The following C3orf38 variants were observed in gnomAD, a reference collection of about 807,000 sequenced individuals.
C3orf38 encodes uncharacterized protein C3orf38.
In C3orf38, 18 loss-of-function variants were observed where a neutral mutation model predicts 28.3. The ratio of observed to expected loss-of-function variants is 0.64; its 90% CI spans 0.44 to 0.94. The LOEUF (loss-of-function observed/expected upper bound fraction) is 0.94, where lower values mean the gene tolerates loss of function less well. Ranked by LOEUF, C3orf38 falls within the 40% of genes least tolerant of loss-of-function variation. The probability of loss-of-function intolerance (pLI) is 0.00; values close to 1 mark genes in which losing one functional copy is unlikely to be tolerated. For synonymous variants in C3orf38, 145 were observed against 138.1 expected (o/e 1.05, Z -0.35); for missense variants, 364 against 396.4 (o/e 0.92, Z 0.69).
At chr3:88,151,309 A>T (rs1707408556) in intron 1 of C3orf38, among the ~76,000 whole-genome samples, 1 of 151,794 alleles carries the variant, frequency 6.6e-6, no homozygotes, top group South Asian at 2.1e-4. Context: ...CAGATTGGAA[A>T]AAATATATAT....
intron 2 of C3orf38, among the ~76,000 whole-genome samples, chr3:88,155,666 C>T (rs1454702853): frequency 1.3e-5 from 2 of 151,826 alleles, no homozygotes; most frequent in Admixed American, 1.3e-4. Context: ...ACTATATTGG[C>T]CAGGCTGGTC....
In C3orf38 at chr3:88,149,962, A is replaced by G. The variant is rs1576367796; in HGVS notation, c.-91A>G. ...AGGCCCTTCGACGGAGAACAACAAG[A>G]AAGGCACTTCCGGTGTCTGTTGCCA... is the stretch of plus-strand genomic sequence containing the variant. On this transcript the variant is annotated 5_prime_UTR_variant, in exon 1 of 3. Coordinates refer to ENST00000318887, the MANE Select transcript of C3orf38 (RefSeq NM_173824.4). 2 of 1,535,788 alleles carry G rather than the reference A, an allele frequency of 1.3e-6. No individual in the cohort carries two copies. Among genetic ancestry groups the G allele is most frequent in the East Asian group, 4.5e-5 (2 of 44,414 alleles).
intron 1 of C3orf38, 51 bp downstream of exon 1, chr3:88,150,236 C>T (rs750614976): frequency 6.2e-7 from 1 of 1,601,226 alleles, no homozygotes; most frequent in South Asian, 1.1e-5. Context: ...CCCGGCCTCA[C>T]GCCTACCCCG....
chr3:88,155,958 A>G, intron 2 of C3orf38, 63 bp from the exon 3 acceptor site: 1 of 1,325,736 alleles, frequency 7.5e-7, no homozygotes, highest in Non-Finnish European at 1.0e-6. Flanking sequence ...GGCTAGATAG[A>G]AAAATAGATA....
In C3orf38 at chr3:88,149,966, G is replaced by T. The variant is rs1208120025; in HGVS notation, c.-87G>T. 14 of 1,545,700 alleles carry T rather than the reference G, an allele frequency of 9.1e-6. No individual in the cohort carries two copies. The South Asian group carries it at 1.6e-4, about 18-fold the overall frequency. ...CCTTCGACGGAGAACAACAAGAAAG[G>T]CACTTCCGGTGTCTGTTGCCAGGCG... is the stretch of plus-strand genomic sequence containing the variant. On this transcript the variant is annotated 5_prime_UTR_variant, in exon 1 of 3. Transcript: ENST00000318887.
intron 1 of C3orf38, among the ~76,000 whole-genome samples, 170 bp from the exon 2 acceptor site, chr3:88,153,060 A>G (rs1227517131): frequency 6.6e-6 from 1 of 152,228 alleles, no homozygotes; most frequent in Non-Finnish European, 1.5e-5. Context: ...TAAAGATGTT[A>G]AAAGAAAACT....
intron 2 of C3orf38, 141 bp downstream of exon 2, chr3:88,153,612 C>G: frequency 1.9e-6 from 2 of 1,066,470 alleles, no homozygotes; most frequent in Non-Finnish European, 2.6e-6. Flanking sequence ...TGCTCTGTTG[C>G]CCAGGCTGGA....
intron 2 of C3orf38, among the ~76,000 whole-genome samples, chr3:88,155,166 A>T (rs1707462482): frequency 6.6e-6 from 1 of 152,020 alleles, no homozygotes; most frequent in South Asian, 2.1e-4. Flanking sequence ...AGCTTACAGT[A>T]ACATTTTCTG....
At position 88,156,788 on chromosome 3, in the gene C3orf38, T is replaced by C; in HGVS notation, c.*153T>C. The C allele has an allele frequency of 4.9e-6, 4 of 808,710 alleles. No individual in the cohort carries two copies. Among genetic ancestry groups the C allele is most frequent in the Admixed American group, 3.1e-5 (1 of 31,934 alleles). 50.1% of individuals were successfully genotyped at this position (808,710 alleles called of 1,614,324 possible). ...GTCTGAATGATTTCAGATGTGAAAA[T>C]TGACATATTTTAGTTGAAATACCTT... On this transcript the variant is annotated 3_prime_UTR_variant, in exon 3 of 3. Coordinates refer to ENST00000318887, the MANE Select transcript of C3orf38 (RefSeq NM_173824.4).
chr3:88,155,428 T>TTTATATATTTTTATATA (rs71131555), intron 2 of C3orf38, among the ~76,000 whole-genome samples: 113,737 of 145,818 alleles, frequency 0.78, 45,363 homozygotes, highest in South Asian at 0.91. Context: ...CATCATATAA[T>TTTATATATTTTTATATA]TTATATATTT....
In C3orf38 at chr3:88,156,511, C is replaced by T. The variant is rs772721082; in HGVS notation, c.866C>T (p.Pro289Leu). The change falls in exon 3 of 3, where the codon CCA (proline) becomes CTA (leucine). Residue 289 changes from proline to leucine, a missense_variant. Coordinates refer to ENST00000318887, the MANE Select transcript of C3orf38 (RefSeq NM_173824.4). ...CTTGCTCCTGGAACATTACCGAAACCATCTGTTAAATTTGAACAAAGTGAT... is the reference window on the plus strand; with the variant it reads ...CTTGCTCCTGGAACATTACCGAAACTATCTGTTAAATTTGAACAAAGTGAT... ...SSLAPGTLPK[P>L]SVKFEQSDLE... 3.1e-6 allele frequency: 5 copies of T among 1,613,968 alleles called. No individual in the cohort carries two copies. In the African/African-American group the frequency reaches 6.7e-5, roughly 22 times the overall value.
intron 2 of C3orf38, among the ~76,000 whole-genome samples, chr3:88,154,882 C>T (rs1387292521): frequency 1.4e-5 from 2 of 144,054 alleles, no homozygotes; most frequent in African/African-American, 2.6e-5. Flanking sequence ...TTTTTTGAGA[C>T]AAAGTCTGCC....
chr3:88,156,486 C>G lies in C3orf38; in HGVS notation c.841C>G (p.Leu281Val), dbSNP rs1424107473. 1.2e-5 allele frequency: 19 copies of G among 1,614,128 alleles called. No individual in the cohort carries two copies. The highest frequency in any genetic ancestry group is 1.6e-5 in the Non-Finnish European group (19 of 1,180,036). The change falls in exon 3 of 3, where the codon CTT (leucine) becomes GTT (valine). Residue 281 changes from leucine to valine, a missense_variant. Leu to Val is a conservative substitution (Grantham distance 32, BLOSUM62 1). Coordinates refer to ENST00000318887, the MANE Select transcript of C3orf38 (RefSeq NM_173824.4). ...INLKIMGESS[L>V]APGTLPKPSV... ...CCTGAAAATTATGGGAGAGAGTTCC[C>G]TTGCTCCTGGAACATTACCGAAACC...
chr3:88,151,310 A>AT (rs1707408655), intron 1 of C3orf38, among the ~76,000 whole-genome samples: 1 of 151,788 alleles, frequency 6.6e-6, no homozygotes, highest in African/African-American at 2.4e-5. Context: ...AGATTGGAAA[A>AT]AATATATATA....
chr3:88,154,251 G>A (rs1233996596), intron 2 of C3orf38, among the ~76,000 whole-genome samples: 1 of 152,116 alleles, frequency 6.6e-6, no homozygotes, highest in Non-Finnish European at 1.5e-5. Context: ...TGTTAGATAG[G>A]TAAACATGTG....
Position 88,155,304 on chromosome 3 carries a change from T to C in C3orf38, c.376-717T>C, listed in dbSNP as rs527570392. Among the ~76,000 whole-genome samples, 99 of 152,270 alleles carry C rather than the reference T, an allele frequency of 6.5e-4. 1 individual carries two copies. Among genetic ancestry groups the C allele is most frequent in the Non-Finnish European group, 2.8e-4 (19 of 68,010 alleles). On this transcript the variant is annotated intron_variant, in intron 2 of 2. Transcript: ENST00000318887. Reference sequence around the variant, plus strand: ...TTATATTAACTTTATGTCATTTATATGCAAAATGCATCCATTTAAAGTGAA... The same window carrying C: ...TTATATTAACTTTATGTCATTTATACGCAAAATGCATCCATTTAAAGTGAA...
At position 88,150,038 on chromosome 3, in the gene C3orf38, C is replaced by CT. The variant is rs756201770; in HGVS notation, c.-15_-14insT. 3.7e-6 allele frequency: 6 copies of CT among 1,613,876 alleles called. No homozygotes were observed. The South Asian group carries it at 5.5e-5, about 15-fold the overall frequency. On this transcript the variant is annotated 5_prime_UTR_variant, in exon 1 of 3. Transcript: ENST00000318887. Reference sequence around the variant, plus strand: ...GCGACATTGTTGCCGTTGTCTTTCCCCCCCAGTCCCGGGGATGGAGATGTC... The same window carrying CT: ...GCGACATTGTTGCCGTTGTCTTTCCCTCCCCAGTCCCGGGGATGGAGATGTC...
At chr3:88,153,618 C>A in intron 2 of C3orf38, 147 bp downstream of exon 2, 1 of 991,106 alleles carries the variant, frequency 1.0e-6, no homozygotes, top group Non-Finnish European at 1.4e-6. Flanking sequence ...GTTGCCCAGG[C>A]TGGAGTGCAG....
At chr3:88,155,339 G>T (rs960008929) in intron 2 of C3orf38, among the ~76,000 whole-genome samples, 1 of 151,626 alleles carries the variant, frequency 6.6e-6, no homozygotes, top group Non-Finnish European at 1.5e-5. Context: ...ACGTTTTGAA[G>T]GTTTTCACAT....
Sources: allele counts gnomAD v4.1 joint callset (sites outside exome capture counted in the v4.1 genomes callset), GRCh38; gene constraint gnomAD v4.1.1; transcripts MANE v1.5; gene names NCBI Gene and HGNC (gene_info 2026-07-23, HGNC 2026-07-21).